Variants in ASIC2 observed in about 807,000 individuals in gnomAD.
ASIC2 encodes the protein acid sensing ion channel subunit 2.
A neutral mutation model predicts 57.3 loss-of-function variants in ASIC2; 25 were observed. That is an observed-to-expected ratio of 0.44 (90% CI 0.32 to 0.61). The LOEUF is 0.61. ASIC2 is among the 20% of genes least tolerant of loss of function. ASIC2 has a pLI of 0.06. For synonymous variants in ASIC2, 319 were observed against 307.5 expected, an observed-to-expected ratio of 1.04 and a Z score of -0.39; for missense variants, 641 against 738.1, an observed-to-expected ratio of 0.87 and a Z score of 1.52.
intron 1 of ASIC2, among the ~76,000 whole-genome samples, chr17:33,385,422 A>C (rs532780434): frequency 1.1e-3 from 174 of 152,272 alleles, no homozygotes; most frequent in African/African-American, 4.0e-3. Context: ...TTCAGGGTAC[A>C]TCACTCTCTC....
At chr17:33,770,809 T>A (rs1025709915) in intron 1 of ASIC2, among the ~76,000 whole-genome samples, 1 of 152,166 alleles carries the variant, frequency 6.6e-6, no homozygotes, top group African/African-American at 2.4e-5. Flanking sequence ...ATTTCCCCCC[T>A]GGGACTGTAG....
At chr17:33,269,662 CCTTCCTTCCT>C in intron 1 of ASIC2, among the ~76,000 whole-genome samples, 1 of 78,832 alleles carries the variant, frequency 1.3e-5, no homozygotes, top group African/African-American at 4.3e-5. Flanking sequence ...TTCCTTCCTT[CCTTCCTTCCT>C]TCCCTCCCTC....
At chr17:33,138,028 A>T (rs2092372956) in intron 1 of ASIC2, among the ~76,000 whole-genome samples, 1 of 152,068 alleles carries the variant, frequency 6.6e-6, no homozygotes, top group Non-Finnish European at 1.5e-5. Flanking sequence ...GATGTACCTT[A>T]TGGAATAGGG....
intron 1 of ASIC2, among the ~76,000 whole-genome samples, chr17:33,606,659 G>A (rs1905239634): frequency 6.6e-6 from 1 of 152,228 alleles, no homozygotes; most frequent in South Asian, 2.1e-4. Flanking sequence ...GTGCCTGGCA[G>A]ATCCTGGACA....
At chr17:33,719,247 G>A (rs549818651) in intron 1 of ASIC2, among the ~76,000 whole-genome samples, 4 of 152,300 alleles carry the variant, frequency 2.6e-5, no homozygotes, top group South Asian at 2.1e-4. Context: ...AGGGACTTGC[G>A]CATGGAGGAG....
chr17:33,049,621 G>A (rs568460882), intron 3 of ASIC2, among the ~76,000 whole-genome samples: 1 of 152,280 alleles, frequency 6.6e-6, no homozygotes, highest in South Asian at 2.1e-4. Flanking sequence ...CACAGCTGGT[G>A]CTCAGTCAAT....
upstream of ASIC2, among the ~76,000 whole-genome samples, chr17:33,297,540 C>T (rs4794944): frequency 0.98 from 149,216 of 152,266 alleles, 73,129 homozygotes; most frequent in East Asian, 1. Flanking sequence ...TTAAAATTCA[C>T]TGGCCAGGTG....
chr17:33,015,965 T>C lies in ASIC2; in HGVS notation c.1590+6A>G, dbSNP rs763043983. ...GAACAACTTCCAATCAGTGAGCTGC[T>C]CTTACCACATTCTCATCGTGGCTCC... On this transcript the variant is annotated splice_donor_region_variant and intron_variant, in intron 9 of 9. Transcript: ENST00000225823. 1 of 1,614,094 alleles carries C rather than the reference T, an allele frequency of 6.2e-7. No homozygotes were observed. The highest frequency in any genetic ancestry group is 8.5e-7 in the Non-Finnish European group (1 of 1,179,946).
intron 1 of ASIC2, among the ~76,000 whole-genome samples, chr17:33,710,239 C>T (rs764366008): frequency 2.0e-5 from 3 of 152,218 alleles, no homozygotes; most frequent in Middle Eastern, 3.2e-3. Flanking sequence ...CAATTCCCAC[C>T]ACAGGTAAAG....
intron 1 of ASIC2, among the ~76,000 whole-genome samples, chr17:34,098,032 A>G (rs1910609089): frequency 6.6e-6 from 1 of 152,042 alleles, no homozygotes; most frequent in Admixed American, 6.6e-5. Context: ...CCATTTTGTC[A>G]TGCATTGCTT....
rs2091914419 is a variant in ASIC2 at position 33,037,573 on chromosome 17, G to T, written c.988-9181C>A. The stretch of plus-strand genomic sequence containing the variant: ...AATGAGTGTCTGAAAGTGGGTTGGA[G>T]TATTTGTTTATCCGGGTAAGCAAAG... On this transcript the variant is annotated intron_variant, in intron 3 of 9. Coordinates refer to ENST00000225823, the MANE Select transcript of ASIC2 (RefSeq NM_183377.2). Among the ~76,000 whole-genome samples, 3 of 152,176 alleles carry T rather than the reference G, an allele frequency of 2.0e-5. No homozygotes were observed. The South Asian group carries it at 6.2e-4, about 32-fold the overall frequency.
chr17:33,430,769 T>C (rs1911384311), intron 1 of ASIC2, among the ~76,000 whole-genome samples: 1 of 152,130 alleles, frequency 6.6e-6, no homozygotes, highest in Non-Finnish European at 1.5e-5. Flanking sequence ...AAACAAACGA[T>C]TAAAAAACTG....
chr17:34,105,068 C>G (rs781610992), intron 1 of ASIC2, among the ~76,000 whole-genome samples: 10 of 151,944 alleles, frequency 6.6e-5, no homozygotes, highest in Non-Finnish European at 8.8e-5. Flanking sequence ...GCACTGGAAC[C>G]AAGAGTTTAT....
At chr17:33,952,494 T>A (rs1177996052) in intron 1 of ASIC2, among the ~76,000 whole-genome samples, 1 of 152,198 alleles carries the variant, frequency 6.6e-6, no homozygotes, top group Non-Finnish European at 1.5e-5. Context: ...ATATGTAAAT[T>A]ATTTATTATG....
chr17:33,419,539 G>A (rs1910974046), intron 1 of ASIC2, among the ~76,000 whole-genome samples: 1 of 152,146 alleles, frequency 6.6e-6, no homozygotes, highest in African/African-American at 2.4e-5. Flanking sequence ...ATTGCTGGAT[G>A]GATACCAGCA....
At position 33,146,570 on chromosome 17, in the gene ASIC2, C is replaced by G. The variant is rs143209174; in HGVS notation, c.709-34503G>C. ...GATCATATTTCTTAGAAACCAAACT[C>G]CTAGTTTGCTCACAGCCAAACAGCC... On this transcript the variant is annotated intron_variant, in intron 1 of 9. Coordinates refer to ENST00000225823, the MANE Select transcript of ASIC2 (RefSeq NM_183377.2). Among the ~76,000 whole-genome samples, 403 of 152,324 alleles carry G rather than the reference C, an allele frequency of 2.6e-3. 1 individual carries two copies. Among genetic ancestry groups the G allele is most frequent in the African/African-American group, 9.3e-3 (386 of 41,570 alleles).
chr17:33,326,017 C>T (rs1907063301), intron 1 of ASIC2, among the ~76,000 whole-genome samples: 1 of 152,130 alleles, frequency 6.6e-6, no homozygotes, highest in Non-Finnish European at 1.5e-5. Context: ...GAGAGCCCTT[C>T]CTCTGTAGAT....
chr17:33,586,676 A>T (rs748445111), intron 1 of ASIC2, among the ~76,000 whole-genome samples: 16 of 151,950 alleles, frequency 1.1e-4, no homozygotes, highest in Non-Finnish European at 1.0e-4. Context: ...CTGTTTCTTC[A>T]TGTAGTAAGT....
intron 5 of ASIC2, 81 bp from the exon 6 acceptor site, chr17:33,024,095 G>A (rs1214688988): frequency 1.3e-6 from 2 of 1,570,194 alleles, no homozygotes. Flanking sequence ...GATTGTAGCA[G>A]CTGAGAAATG....
Sources: gnomAD v4.1 joint callset for allele counts (sites outside exome capture counted in the v4.1 genomes callset) on GRCh38, gnomAD v4.1.1 for gene constraint, MANE v1.5 for transcripts, NCBI Gene and HGNC (gene_info 2026-07-23, HGNC 2026-07-21) for gene names.